LARGE1: variants seen among roughly 807,000 people sequenced by gnomAD.
LARGE1 encodes LARGE xylosyl- and glucuronyltransferase 1, also known as xylosyl- and glucuronyltransferase LARGE1.
LARGE1 carries 43 observed loss-of-function variants against 87.6 expected under a neutral mutation model. The observed-to-expected ratio is 0.49, with a 90% CI of 0.38 to 0.63. The LOEUF (loss-of-function observed/expected upper bound fraction) is 0.63. Among genes scored for constraint, LARGE1 ranks in the 30% least tolerant of loss-of-function variants. The pLI is 0.00. For missense variants in LARGE1, 802 were observed against 1,000.2 expected (o/e 0.80, Z 2.67); for synonymous variants, 434 against 394.6 (o/e 1.10, Z -1.18).
intron 6 of LARGE1, among the ~76,000 whole-genome samples, chr22:33,497,837 C>T (rs1004706745): frequency 1.3e-5 from 2 of 152,160 alleles, no homozygotes; most frequent in African/African-American, 4.8e-5. Flanking sequence ...TTCATCTACA[C>T]TGTACAAAGC....
intron 1 of LARGE1, among the ~76,000 whole-genome samples, chr22:33,898,409 G>A (rs375639726): frequency 6.6e-6 from 1 of 152,120 alleles, no homozygotes; most frequent in Non-Finnish European, 1.5e-5. Context: ...TTTACACCAC[G>A]TAACCCTACT....
intron 2 of LARGE1, among the ~76,000 whole-genome samples, chr22:33,721,891 AT>A (rs2083108736): frequency 6.6e-6 from 1 of 152,058 alleles, no homozygotes; most frequent in African/African-American, 2.4e-5. Context: ...TTTTGTCTTT[AT>A]TTTTGTCTTT....
chr22:33,307,527 T>C (rs1935069163), intron 11 of LARGE1, among the ~76,000 whole-genome samples: 1 of 152,160 alleles, frequency 6.6e-6, no homozygotes, highest in South Asian at 2.1e-4. Flanking sequence ...GTCTCAAAGT[T>C]CCACAATCCC....
chr22:33,826,420 G>A (rs1041392895), intron 1 of LARGE1, among the ~76,000 whole-genome samples: 1 of 150,208 alleles, frequency 6.7e-6, no homozygotes, highest in Non-Finnish European at 1.5e-5. Context: ...TCGGCTCGCT[G>A]CAACCTCCGC....
chr22:33,219,250 T>G (rs541310946), intron 11 of LARGE1, among the ~76,000 whole-genome samples: 1 of 152,264 alleles, frequency 6.6e-6, no homozygotes, highest in South Asian at 2.1e-4. Flanking sequence ...GTGATTGGTA[T>G]GAATCCATAT....
chr22:33,620,813 A>T (rs532222771), intron 4 of LARGE1, among the ~76,000 whole-genome samples: 1 of 152,244 alleles, frequency 6.6e-6, no homozygotes, highest in East Asian at 1.9e-4. Flanking sequence ...GCTACTCAAG[A>T]GGCTGAGGCA....
chr22:33,431,457 A>G (rs557852950), intron 7 of LARGE1, among the ~76,000 whole-genome samples: 1 of 152,308 alleles, frequency 6.6e-6, no homozygotes, highest in East Asian at 1.9e-4. Context: ...GTGGTCCTCA[A>G]AAGTGCTGAT....
chr22:33,479,872 G>A (rs2069237889), intron 6 of LARGE1, among the ~76,000 whole-genome samples: 1 of 151,754 alleles, frequency 6.6e-6, no homozygotes, highest in Non-Finnish European at 1.5e-5. Flanking sequence ...AGTCTCTCGA[G>A]TATCTGGGAT....
At chr22:33,438,018 C>T (rs1332733519) in intron 6 of LARGE1, among the ~76,000 whole-genome samples, 1 of 151,924 alleles carries the variant, frequency 6.6e-6, no homozygotes, top group African/African-American at 2.4e-5. Flanking sequence ...AAAGCTTTTC[C>T]AATAAGGGTT....
chr22:33,489,263 G>A (rs371052499), intron 6 of LARGE1, among the ~76,000 whole-genome samples: 53 of 152,156 alleles, frequency 3.5e-4, no homozygotes, highest in African/African-American at 1.1e-3. Flanking sequence ...TGTGGTCGTG[G>A]AGGGAGAGGG....
the LARGE1 span, among the ~76,000 whole-genome samples, chr22:33,140,680 G>C: frequency 6.6e-6 from 1 of 152,114 alleles, no homozygotes; most frequent in African/African-American, 2.4e-5. Context: ...TTCAGCTTTT[G>C]GACTCTTGGA....
chr22:33,123,559 C>T, the LARGE1 span, among the ~76,000 whole-genome samples: 1 of 151,990 alleles, frequency 6.6e-6, no homozygotes, highest in South Asian at 2.1e-4. Context: ...TCACTTTTTG[C>T]AAAGAAGGTG....
intron 5 of LARGE1, among the ~76,000 whole-genome samples, chr22:33,586,983 A>C (rs998132408): frequency 3.3e-5 from 5 of 152,242 alleles, no homozygotes; most frequent in African/African-American, 1.2e-4. Flanking sequence ...AAATAATTAT[A>C]TAACTACACA....
At chr22:33,214,200 A>C (rs1276529229) in intron 11 of LARGE1, among the ~76,000 whole-genome samples, 1 of 152,122 alleles carries the variant, frequency 6.6e-6, no homozygotes, top group African/African-American at 2.4e-5. Context: ...TCCAAGATCA[A>C]GGTGTTTACA....
chr22:33,560,763 T>C (rs1325236669), intron 6 of LARGE1, among the ~76,000 whole-genome samples: 2 of 152,052 alleles, frequency 1.3e-5, no homozygotes, highest in Non-Finnish European at 2.9e-5. Context: ...CACTATGTAA[T>C]AGCTCTCTGA....
chr22:33,274,518 AG>A lies in LARGE1; in HGVS notation c.2179del (p.Leu727SerfsTer21). Reference sequence around the variant, plus strand: ...CTGAAACTCTTCCTTGAGGGTTTTGAGACAGATGCGGTATTGCTTGTTGGAA... The same window carrying A: ...CTGAAACTCTTCCTTGAGGGTTTTGAACAGATGCGGTATTGCTTGTTGGAA... ...FRSNKQYRIC[L>X]KTLKEEFQQD... On this transcript the variant is annotated frameshift_variant, in exon 15 of 15. Coordinates refer to ENST00000397394, the MANE Select transcript of LARGE1 (RefSeq NM_133642.5). LOFTEE classifies it high-confidence loss of function. 1 of 1,614,080 alleles carries A rather than the reference AG, an allele frequency of 6.2e-7. No individual in the cohort carries two copies. The highest frequency in any genetic ancestry group is 8.5e-7 in the Non-Finnish European group (1 of 1,180,018).
chr22:33,248,379 A>AG lies in LARGE1; in HGVS notation c.1730+55849dup, dbSNP rs556062730. Among the ~76,000 whole-genome samples the AG allele has an allele frequency of 1.4e-3, 207 of 152,150 alleles. 1 individual carries two copies. Among genetic ancestry groups the AG allele is most frequent in the South Asian group, 2.9e-3 (14 of 4,808 alleles). Reference sequence around the variant, plus strand: ...ATTTTTTTGTGTATTTTTAGTAGAGAGGGGGTTTCACCATCTTGGCCAGGC... The same window carrying AG: ...ATTTTTTTGTGTATTTTTAGTAGAGAGGGGGGTTTCACCATCTTGGCCAGGC... On this transcript the variant is annotated intron_variant, in intron 11 of 11. Transcript: ENST00000608642.
chr22:33,885,892 C>T (rs906964068), intron 1 of LARGE1, among the ~76,000 whole-genome samples: 41 of 151,996 alleles, frequency 2.7e-4, no homozygotes, highest in Non-Finnish European at 5.3e-4. Context: ...ATTAGCCAGG[C>T]GTGGTGGCGT....
At chr22:33,638,803 C>T (rs529306856) in intron 3 of LARGE1, among the ~76,000 whole-genome samples, 32 of 152,270 alleles carry the variant, frequency 2.1e-4, no homozygotes, top group East Asian at 1.4e-3. Context: ...GACTGATTAA[C>T]GGTTATTAAC....
Sources: gnomAD v4.1 joint callset for allele counts (sites outside exome capture counted in the v4.1 genomes callset) on GRCh38, gnomAD v4.1.1 for gene constraint, MANE v1.5 for transcripts, NCBI Gene and HGNC (gene_info 2026-07-23, HGNC 2026-07-21) for gene names.